The following SLC9A9 variants were observed in gnomAD, a reference collection of about 807,000 sequenced individuals.
SLC9A9 encodes the protein solute carrier family 9 member A9, also known as sodium/hydrogen exchanger 9.
Under a neutral mutation model 77.8 loss-of-function variants are expected in SLC9A9, and 62 were observed. The ratio of observed to expected loss-of-function variants is 0.80; its 90% CI spans 0.65 to 0.98. The LOEUF (loss-of-function observed/expected upper bound fraction) is 0.98, where lower values mean the gene tolerates loss of function less well. Among genes scored for constraint, SLC9A9 ranks in the 50% least tolerant of loss-of-function variants. The pLI is 0.00. For missense variants in SLC9A9, 775 were observed against 774.9 expected, an observed-to-expected ratio of 1.00 and a Z score of 0.00; for synonymous variants, 320 against 283.5, an observed-to-expected ratio of 1.13 and a Z score of -1.29.
At chr3:143,592,425 A>G (rs1330017326) in intron 6 of SLC9A9, among the ~76,000 whole-genome samples, 1 of 149,904 alleles carries the variant, frequency 6.7e-6, no homozygotes, top group Non-Finnish European at 1.5e-5. Context: ...TTGATAATGG[A>G]AGAAAACCTG....
In SLC9A9 at chr3:143,578,592, G is replaced by T; in HGVS notation, c.887C>A (p.Thr296Lys). 1 of 1,613,966 alleles carries T rather than the reference G, an allele frequency of 6.2e-7. No homozygotes were observed. Residue 296 changes from threonine (T) to lysine (K), a missense_variant, in exon 7 of 16, where the codon ACA becomes AAA. Physicochemically the swap from Thr to Lys is moderately conservative, Grantham distance 78 (BLOSUM62 -1). Coordinates refer to ENST00000316549, the MANE Select transcript of SLC9A9 (RefSeq NM_173653.4). ...FAMGSAYAII[T>K]ALLTKFTKLC... ...CATACAGACAAAGGATATCAGTGCT[G>T]TGATGATGGCATACGCAGACCCCAT...
In SLC9A9 at chr3:143,630,454, G is replaced by T. The variant is rs183391772; in HGVS notation, c.755+21801C>A. On this transcript the variant is annotated intron_variant, in intron 6 of 15. Transcript: ENST00000316549. ...CTCTGAACATGCCAGTTTATTTGGG[G>T]TGAAGAAGTGATTCTTGTGGATAGG... Among the ~76,000 whole-genome samples the T allele has an allele frequency of 1.1e-3, 174 of 152,302 alleles. 1 individual carries two copies. The highest frequency in any genetic ancestry group is 0.011 in the Admixed American group (165 of 15,288).
intron 4 of SLC9A9, among the ~76,000 whole-genome samples, chr3:143,776,470 C>T (rs2007695807): frequency 1.3e-5 from 2 of 152,248 alleles, no homozygotes; most frequent in South Asian, 4.1e-4. Flanking sequence ...GTTATGAAAA[C>T]AAACTCTAAT....
chr3:143,776,980 G>A (rs893445525), intron 4 of SLC9A9, among the ~76,000 whole-genome samples: 4 of 152,038 alleles, frequency 2.6e-5, no homozygotes, highest in Admixed American at 2.6e-4. Context: ...CTTTTGTGGG[G>A]GCAAATAACT....
chr3:143,482,472 G>T (rs2035589720), intron 11 of SLC9A9, among the ~76,000 whole-genome samples: 1 of 152,224 alleles, frequency 6.6e-6, no homozygotes, highest in Non-Finnish European at 1.5e-5. Flanking sequence ...TGCAGCAGAA[G>T]TCAATGAATT....
chr3:143,510,475 C>T (rs1209242392), intron 9 of SLC9A9, among the ~76,000 whole-genome samples: 1 of 152,126 alleles, frequency 6.6e-6, no homozygotes, highest in East Asian at 1.9e-4. Flanking sequence ...CATTAATTAG[C>T]TGGTTCCGAT....
At chr3:143,533,453 G>T (rs572774811) in intron 9 of SLC9A9, among the ~76,000 whole-genome samples, 2 of 152,120 alleles carry the variant, frequency 1.3e-5, no homozygotes, top group Non-Finnish European at 2.9e-5. Flanking sequence ...AATTCCAGAA[G>T]TCATAGATCC....
At chr3:143,540,381 C>CT (rs1372520965) in intron 9 of SLC9A9, among the ~76,000 whole-genome samples, 2 of 152,116 alleles carry the variant, frequency 1.3e-5, no homozygotes, top group East Asian at 3.9e-4. Context: ...AAAGACTATT[C>CT]TTGGCTCTAC....
rs1313115332 is a variant in SLC9A9 at position 143,266,774 on chromosome 3, A to C, written c.1866T>G (p.Tyr622Ter). 1 of 1,614,204 alleles carries C rather than the reference A, an allele frequency of 6.2e-7. No individual in the cohort carries two copies. The highest frequency in any genetic ancestry group is 8.5e-7 in the Non-Finnish European group (1 of 1,180,032). ...SPQTPGKENI[Y>*]EGDLGLGGYE... ...AGCCTCCCAGGCCGAGGTCTCCCTC[A>C]TAAATGTTTTCCTTGCCTGGCGTCT... The change falls in exon 16 of 16, where the codon TAT (tyrosine) becomes TAG (stop). Residue 622 changes from tyrosine to a stop codon, truncating the protein, a stop_gained. Coordinates refer to ENST00000316549, the MANE Select transcript of SLC9A9 (RefSeq NM_173653.4). LOFTEE classifies it high-confidence loss of function.
chr3:143,317,816 C>T (rs1261577610), intron 14 of SLC9A9, among the ~76,000 whole-genome samples: 4 of 152,188 alleles, frequency 2.6e-5, no homozygotes, highest in Admixed American at 6.5e-5. Flanking sequence ...CAAGCTCTGC[C>T]TCCCAGGTTC....
chr3:143,847,311 A>G (rs2009850724), intron 1 of SLC9A9, among the ~76,000 whole-genome samples: 1 of 152,224 alleles, frequency 6.6e-6, no homozygotes, highest in African/African-American at 2.4e-5. Context: ...GAAGTAAACT[A>G]TTTCATCAGT....
chr3:143,758,080 G>C (rs1234368279), intron 4 of SLC9A9, among the ~76,000 whole-genome samples: 1 of 152,108 alleles, frequency 6.6e-6, no homozygotes, highest in Non-Finnish European at 1.5e-5. Flanking sequence ...TCTACATTTT[G>C]TATCTTTGGC....
intron 9 of SLC9A9, among the ~76,000 whole-genome samples, chr3:143,549,171 T>C (rs571515225): frequency 7.2e-5 from 11 of 152,216 alleles, no homozygotes; most frequent in Non-Finnish European, 1.5e-4. Flanking sequence ...AGTACATGCC[T>C]CAGCATTTCT....
intron 4 of SLC9A9, among the ~76,000 whole-genome samples, chr3:143,747,819 T>C (rs1189720538): frequency 1.3e-5 from 2 of 152,232 alleles, no homozygotes; most frequent in African/African-American, 4.8e-5. Context: ...TAGTAATTTG[T>C]TACAGCAGCT....
chr3:143,380,022 C>T (rs2033267885), intron 13 of SLC9A9, among the ~76,000 whole-genome samples: 1 of 152,118 alleles, frequency 6.6e-6, no homozygotes, highest in East Asian at 1.9e-4. Flanking sequence ...CCCAATTTCC[C>T]TTGATTATCA....
rs569090349 is a variant in SLC9A9 at position 143,265,857 on chromosome 3, G to A, written c.*845C>T. ...TGCTGCCAGGTAGAGAGCAACACAG[G>A]CTGCAGAATCCTACCCTCCAGCATA... On this transcript the variant is annotated 3_prime_UTR_variant, in exon 16 of 16. Transcript: ENST00000316549. 6.7e-6 allele frequency: 4 copies of A among 597,178 alleles called. 1 individual carries two copies. Among genetic ancestry groups the A allele is most frequent in the Middle Eastern group, 4.4e-4 (1 of 2,250 alleles). The allele number at this position is 597,178 out of a possible 1,614,324, so 37.0% of individuals were successfully genotyped here.
chr3:143,707,004 G>T (rs1411408012), intron 4 of SLC9A9, among the ~76,000 whole-genome samples: 2 of 152,164 alleles, frequency 1.3e-5, no homozygotes, highest in Non-Finnish European at 2.9e-5. Flanking sequence ...GGTGGGGGCA[G>T]TAGGAAGATG....
chr3:143,767,376 ATGTGTGTG>A (rs142594079), intron 4 of SLC9A9, among the ~76,000 whole-genome samples: 91 of 141,374 alleles, frequency 6.4e-4, no homozygotes, highest in African/African-American at 1.7e-3. Context: ...GTGTCTGTGT[ATGTGTGTG>A]TGTGTGTGTG....
chr3:143,306,128 A>T (rs1051246836), intron 14 of SLC9A9, among the ~76,000 whole-genome samples: 24 of 152,208 alleles, frequency 1.6e-4, no homozygotes, highest in African/African-American at 5.3e-4. Flanking sequence ...GTTCTAATCT[A>T]ACCTTTCTTC....
Sources: gnomAD v4.1 joint callset for allele counts (sites outside exome capture counted in the v4.1 genomes callset) on GRCh38, gnomAD v4.1.1 for gene constraint, MANE v1.5 for transcripts, NCBI Gene and HGNC (gene_info 2026-07-23, HGNC 2026-07-21) for gene names.